Variants in METTL24 observed in about 807,000 individuals in gnomAD.
METTL24 encodes methyltransferase like 24, also known as probable methyltransferase-like protein 24.
METTL24 carries 29 observed loss-of-function variants against 32.7 expected under a neutral mutation model. The observed-to-expected ratio is 0.89, with a 90% CI of 0.66 to 1.21. The LOEUF (loss-of-function observed/expected upper bound fraction) is 1.21. Ranked by LOEUF, METTL24 falls within the 50% of genes most tolerant of loss-of-function variation. The pLI, the probability that METTL24 is intolerant of heterozygous loss-of-function variation, is 0.00. For synonymous variants in METTL24, 163 were observed against 179.5 expected, an observed-to-expected ratio of 0.91 and a Z score of 0.73; for missense variants, 439 against 468.1, an observed-to-expected ratio of 0.94 and a Z score of 0.57.
chr6:110,269,865 A>C (rs1458747528), intron 4 of METTL24, among the ~76,000 whole-genome samples: 2 of 152,206 alleles, frequency 1.3e-5, no homozygotes, highest in Non-Finnish European at 2.9e-5. Flanking sequence ...GAAAAGAACA[A>C]GGAAGAGGAG....
chr6:110,254,284 T>C, intron 4 of METTL24: 1 of 184,570 alleles, frequency 5.4e-6, no homozygotes, highest in Non-Finnish European at 1.1e-5. Flanking sequence ...GAGTTCATAT[T>C]TTAAGAATTG....
intron 4 of METTL24, among the ~76,000 whole-genome samples, chr6:110,269,734 AT>A (rs1422269633): frequency 6.6e-6 from 1 of 152,180 alleles, no homozygotes; most frequent in Non-Finnish European, 1.5e-5. Flanking sequence ...AAGCAGAAAG[AT>A]TGCAAATTCA....
intron 4 of METTL24, among the ~76,000 whole-genome samples, chr6:110,288,059 A>G (rs1771254925): frequency 6.6e-6 from 1 of 152,208 alleles, no homozygotes; most frequent in African/African-American, 2.4e-5. Flanking sequence ...TGAAACTATG[A>G]CAGTGTCTGT....
chr6:110,342,339 T>C (rs1772376066), intron 1 of METTL24, among the ~76,000 whole-genome samples: 1 of 152,124 alleles, frequency 6.6e-6, no homozygotes, highest in Non-Finnish European at 1.5e-5. Context: ...CAGAAGAAGA[T>C]TCCTGAGAGG....
chr6:110,277,200 C>T (rs962624892), intron 4 of METTL24, among the ~76,000 whole-genome samples: 4 of 152,168 alleles, frequency 2.6e-5, no homozygotes, highest in African/African-American at 9.7e-5. Flanking sequence ...CCCTGCTCTT[C>T]CCTCGCTTCT....
intron 4 of METTL24, among the ~76,000 whole-genome samples, chr6:110,261,954 C>G (rs957169486): frequency 6.6e-6 from 1 of 152,020 alleles, no homozygotes; most frequent in Non-Finnish European, 1.5e-5. Context: ...ATCTCTGGGA[C>G]ACATTTAAAG....
At chr6:110,277,646 GA>G (rs1771070168) in intron 4 of METTL24, among the ~76,000 whole-genome samples, 1 of 152,120 alleles carries the variant, frequency 6.6e-6, no homozygotes, top group African/African-American at 2.4e-5. Flanking sequence ...AAACGTTATA[GA>G]AATCTAAAGT....
intron 3 of METTL24, among the ~76,000 whole-genome samples, chr6:110,303,762 C>T (rs1771580320): frequency 1.3e-5 from 2 of 152,222 alleles, no homozygotes; most frequent in Admixed American, 1.3e-4. Flanking sequence ...AACATTCCTG[C>T]CTACTGGCTC....
chr6:110,309,876 C>T (rs58406678), intron 3 of METTL24, among the ~76,000 whole-genome samples: 1 of 124,966 alleles, frequency 8.0e-6, no homozygotes, highest in Non-Finnish European at 1.6e-5. Context: ...AAAAACAAAA[C>T]AAAACAAAAC....
In METTL24 at chr6:110,323,571, G is replaced by A. The variant is rs145262642; in HGVS notation, c.319-699C>T. On this transcript the variant is annotated intron_variant, in intron 1 of 4. Transcript: ENST00000338882. ...AGCAAGGATGGGTGGATGAAGGGTTGGGGGAATGCAATGGTCTGGAGGAAA... is the reference window on the plus strand; with the variant it reads ...AGCAAGGATGGGTGGATGAAGGGTTAGGGGAATGCAATGGTCTGGAGGAAA... Among the ~76,000 whole-genome samples, 34 of 152,286 alleles carry A rather than the reference G, an allele frequency of 2.2e-4. No homozygotes were observed. In the East Asian group the frequency reaches 6.2e-3, roughly 28 times the overall value.
chr6:110,257,139 A>C (rs1260506734), intron 4 of METTL24, among the ~76,000 whole-genome samples: 1 of 152,236 alleles, frequency 6.6e-6, no homozygotes, highest in Admixed American at 6.5e-5. Flanking sequence ...AATTGGTTTT[A>C]TCTTATGGAA....
At chr6:110,255,987 G>A (rs1178341906) in intron 4 of METTL24, among the ~76,000 whole-genome samples, 2 of 151,998 alleles carry the variant, frequency 1.3e-5, no homozygotes, top group Non-Finnish European at 2.9e-5. Flanking sequence ...CAAAACAAAC[G>A]CATTTGGTAT....
At chr6:110,291,788 T>C (rs1228126968) in intron 4 of METTL24, among the ~76,000 whole-genome samples, 1 of 152,164 alleles carries the variant, frequency 6.6e-6, no homozygotes, top group African/African-American at 2.4e-5. Context: ...AGTGACAACA[T>C]GCAGTATTTG....
chr6:110,319,292 G>A (rs1272680102), intron 2 of METTL24, among the ~76,000 whole-genome samples: 1 of 151,578 alleles, frequency 6.6e-6, no homozygotes, highest in African/African-American at 2.4e-5. Flanking sequence ...GTGTGTGTGT[G>A]TGTAGCAGTA....
At chr6:110,246,543 G>A (rs887780199) in intron 4 of METTL24, among the ~76,000 whole-genome samples, 1 of 152,156 alleles carries the variant, frequency 6.6e-6, no homozygotes, top group African/African-American at 2.4e-5. Flanking sequence ...TCCGCCTCCT[G>A]AGTAGCTGGG....
chr6:110,266,136 A>G (rs1017474875), intron 4 of METTL24, among the ~76,000 whole-genome samples: 3 of 151,972 alleles, frequency 2.0e-5, no homozygotes, highest in Non-Finnish European at 4.4e-5. Context: ...AACTCCTGGC[A>G]TCAAGCGATC....
intron 3 of METTL24, among the ~76,000 whole-genome samples, chr6:110,310,123 G>A (rs971806662): frequency 6.6e-6 from 1 of 152,072 alleles, no homozygotes; most frequent in African/African-American, 2.4e-5. Flanking sequence ...TCATTCTTCT[G>A]GAAATGCTCA....
intron 3 of METTL24, among the ~76,000 whole-genome samples, chr6:110,307,607 T>C (rs1771647914): frequency 6.6e-6 from 1 of 152,174 alleles, no homozygotes; most frequent in Non-Finnish European, 1.5e-5. Context: ...CTTCCATTCA[T>C]AGCTCACTGC....
At chr6:110,314,363 C>T (rs1242138246) in intron 3 of METTL24, among the ~76,000 whole-genome samples, 5 of 152,052 alleles carry the variant, frequency 3.3e-5, no homozygotes, top group South Asian at 2.1e-4. Flanking sequence ...ATATATCATT[C>T]GTAAGTTCAG....
Sources: allele counts gnomAD v4.1 joint callset (sites outside exome capture counted in the v4.1 genomes callset), GRCh38; gene constraint gnomAD v4.1.1; transcripts MANE v1.5; gene names NCBI Gene and HGNC (gene_info 2026-07-23, HGNC 2026-07-21).